Variants in FREM1 observed in about 807,000 individuals in gnomAD.
FREM1 encodes the protein FRAS1 related extracellular matrix 1.
A neutral mutation model predicts 210.1 loss-of-function variants in FREM1; 220 were observed. The ratio of observed to expected loss-of-function variants is 1.05; its 90% CI spans 0.94 to 1.17. The LOEUF is 1.17. Ranked by LOEUF, FREM1 falls within the 50% of genes most tolerant of loss-of-function variation. The pLI, the probability that FREM1 is intolerant of heterozygous loss-of-function variation, is 0.00. For missense variants in FREM1, 3,454 were observed against 2,675.5 expected, an observed-to-expected ratio of 1.29 and a Z score of -6.42; for synonymous variants, 1,189 against 980.2, an observed-to-expected ratio of 1.21 and a Z score of -3.98.
intron 4 of FREM1, 151 bp downstream of exon 4, chr9:14,859,032 T>A: frequency 1.8e-6 from 1 of 554,738 alleles, no homozygotes; most frequent in Non-Finnish European, 3.0e-6. Context: ...TTTCTGATTG[T>A]AAAGTCTGTG....
Position 14,823,205 on chromosome 9 carries a change from G to T in FREM1, c.2292C>A (p.Ile764=). The change falls in exon 13 of 37, where the codon ATC becomes ATA. Residue 764 remains isoleucine, a synonymous_variant. Transcript: ENST00000380880. ...CTGGGAGGATTGTAATGTTAAAGCA[G>T]ATCCCATGCAAAGTACCGCCATGTT... ...SNQHGGTLHG[I]CFNITILPVD... 1 of 1,613,850 alleles carries T rather than the reference G, an allele frequency of 6.2e-7. No homozygotes were observed. The highest frequency in any genetic ancestry group is 8.5e-7 in the Non-Finnish European group (1 of 1,179,800).
intron 1 of FREM1, among the ~76,000 whole-genome samples, chr9:14,880,188 G>A (rs559337890): frequency 6.6e-6 from 1 of 152,240 alleles, no homozygotes; most frequent in African/African-American, 2.4e-5. Context: ...CTTCAGAACT[G>A]TGAGGAATAA....
chr9:14,895,285 C>A (rs1390247675), intron 1 of FREM1, among the ~76,000 whole-genome samples: 1 of 152,138 alleles, frequency 6.6e-6, no homozygotes, highest in Non-Finnish European at 1.5e-5. Context: ...TCGGTCTTAC[C>A]ATGACTTGTC....
At chr9:14,854,841 G>A (rs1828425783) in intron 5 of FREM1, among the ~76,000 whole-genome samples, 1 of 151,960 alleles carries the variant, frequency 6.6e-6, no homozygotes, top group Non-Finnish European at 1.5e-5. Flanking sequence ...AAGTGCCTAG[G>A]ACTGGACTTA....
chr9:14,825,286 G>A (rs1019805349), intron 10 of FREM1, among the ~76,000 whole-genome samples: 2 of 151,742 alleles, frequency 1.3e-5, no homozygotes, highest in South Asian at 2.1e-4. Context: ...TCAGGAGTTC[G>A]AGAACAGCCT....
At chr9:14,876,858 A>G (rs187840291) in intron 1 of FREM1, among the ~76,000 whole-genome samples, 24 of 152,298 alleles carry the variant, frequency 1.6e-4, no homozygotes, top group African/African-American at 5.8e-4. Context: ...AACTTTGACA[A>G]GATACAATAT....
At chr9:14,767,897 C>A (rs1846736057) in intron 27 of FREM1, among the ~76,000 whole-genome samples, 1 of 152,036 alleles carries the variant, frequency 6.6e-6, no homozygotes, top group African/African-American at 2.4e-5. Flanking sequence ...AACAAATGAA[C>A]AAATTACGTC....
Position 14,748,637 on chromosome 9 carries a change from G to C in FREM1, c.5560C>G (p.Gln1854Glu). Residue 1854 changes from glutamine to glutamate, a missense_variant and splice_region_variant, in exon 31 of 37, where the codon CAA becomes GAA. Gln to Glu is a conservative substitution (Grantham distance 29, BLOSUM62 2). Transcript: ENST00000380880. Reference protein sequence around the residue: ...AVKILDSKGGQCHPSYSSNQS... With the variant: ...AVKILDSKGGECHPSYSSNQS... ...TTGGAGGAATATGAAGGATGGCATT[G>C]TCCTGGAGGCATGCAAGATGGCAGG... 1.2e-6 allele frequency: 2 copies of C among 1,600,260 alleles called. No individual in the cohort carries two copies. The highest frequency in any genetic ancestry group is 1.7e-6 in the Non-Finnish European group (2 of 1,169,910).
chr9:14,856,935 C>T (rs1828867399), intron 5 of FREM1, among the ~76,000 whole-genome samples: 1 of 151,942 alleles, frequency 6.6e-6, no homozygotes, highest in African/African-American at 2.4e-5. Context: ...AGCAGCACTG[C>T]ATGTTAAATA....
chr9:14,909,107 A>G (rs1474975084), intron 1 of FREM1, among the ~76,000 whole-genome samples: 1 of 152,196 alleles, frequency 6.6e-6, no homozygotes, highest in African/African-American at 2.4e-5. Flanking sequence ...TAAGATTCCC[A>G]GGCTATAAAC....
chr9:14,791,915 C>G (rs983678874), intron 22 of FREM1, among the ~76,000 whole-genome samples: 6 of 151,938 alleles, frequency 3.9e-5, no homozygotes, highest in African/African-American at 1.5e-4. Context: ...TCACTGCAAC[C>G]TCTCCCCCCT....
At chr9:14,814,637 T>C (rs1175918900) in intron 15 of FREM1, among the ~76,000 whole-genome samples, 1 of 152,224 alleles carries the variant, frequency 6.6e-6, no homozygotes, top group Non-Finnish European at 1.5e-5. Flanking sequence ...AGTGAATTCA[T>C]TTAAGACCTT....
chr9:14,873,826 C>T (rs1435562751), intron 1 of FREM1, among the ~76,000 whole-genome samples: 1 of 152,094 alleles, frequency 6.6e-6, no homozygotes, highest in Non-Finnish European at 1.5e-5. Context: ...TTTCCCTGTA[C>T]ACACTGTTTT....
Position 14,812,824 on chromosome 9 carries a change from A to C in FREM1, c.2881T>G (p.Tyr961Asp). The C allele has an allele frequency of 6.2e-7, 1 of 1,609,172 alleles. No individual in the cohort carries two copies. Among genetic ancestry groups the C allele is most frequent in the Non-Finnish European group, 8.5e-7 (1 of 1,177,036 alleles). Residue 961 changes from tyrosine (Y) to aspartate (D), a missense_variant, in exon 16 of 37, where the codon TAC (tyrosine) becomes GAC (aspartate). Transcript: ENST00000380880. Reference sequence around the variant, plus strand: ...TGCTGCTGCTTACCTGTGTGTTTGTATGTCACGGCCTCTGAGATAACATCT... The same window carrying C: ...TGCTGCTGCTTACCTGTGTGTTTGTCTGTCACGGCCTCTGAGATAACATCT... ...QRDVISEAVT[Y>D]KHTGGEIGLM...
intron 22 of FREM1, among the ~76,000 whole-genome samples, chr9:14,792,391 T>C (rs1166716662): frequency 6.6e-6 from 1 of 151,836 alleles, no homozygotes; most frequent in Non-Finnish European, 1.5e-5. Context: ...AGAGGAAAGT[T>C]ACATGAATCA....
rs760123535 is a variant in FREM1, at chr9:14,824,046, C to T, written c.2148G>A (p.Leu716=). 2.5e-6 allele frequency: 4 copies of T among 1,593,506 alleles called. No individual in the cohort carries two copies. In the East Asian group the frequency reaches 9.0e-5, roughly 36 times the overall value. ...ATACCTGAGTGAATGACCTCAGCTC[C>T]AGGGCCGTAGGATTCTTAACTACTT... ...IPKVVKNPTA[L]ELRSFTQHAV... Residue 716 remains leucine (L), a synonymous_variant, in exon 12 of 37, where the codon CTG becomes CTA. Coordinates refer to ENST00000380880, the MANE Select transcript of FREM1 (RefSeq NM_001379081.2).
Position 14,801,880 on chromosome 9 carries a change from C to G in FREM1, c.3472-6G>C, listed in dbSNP as rs1449304656. The G allele has an allele frequency of 1.3e-6, 2 of 1,593,458 alleles. No individual in the cohort carries two copies. Among genetic ancestry groups the G allele is most frequent in the Non-Finnish European group, 1.7e-6 (2 of 1,167,550 alleles). On this transcript the variant is annotated splice_polypyrimidine_tract_variant and splice_region_variant and intron_variant, in intron 19 of 36. Transcript: ENST00000380880. ...TTCATCTGACCCTCACACACCTGAG[C>G]AAGAACACATGAGAAAAGTCAACAA...
rs147264592 is a variant in FREM1 at position 14,903,041 on chromosome 9, T to C, written c.-268+6873A>G. ...CTCCTATTCTTCTCTCACTGATAAA[T>C]CACCCTCGAGTGACATTTTAATCAC... On this transcript the variant is annotated intron_variant, in intron 1 of 36. Coordinates refer to ENST00000380880, the MANE Select transcript of FREM1 (RefSeq NM_001379081.2). Among the ~76,000 whole-genome samples, 787 of 152,346 alleles carry C rather than the reference T, an allele frequency of 5.2e-3. 6 individuals carry two copies. The highest frequency in any genetic ancestry group is 0.018 in the African/African-American group (751 of 41,570).
chr9:14,769,093 G>A, intron 27 of FREM1, among the ~76,000 whole-genome samples: 1 of 152,202 alleles, frequency 6.6e-6, no homozygotes, highest in East Asian at 1.9e-4. Context: ...GACCCAGTCA[G>A]TGAAATTGCT....
Sources: allele counts gnomAD v4.1 joint callset (sites outside exome capture counted in the v4.1 genomes callset), GRCh38; gene constraint gnomAD v4.1.1; transcripts MANE v1.5; gene names NCBI Gene and HGNC (gene_info 2026-07-23, HGNC 2026-07-21).